AATF: variants seen among roughly 807,000 people sequenced by gnomAD.
AATF encodes the protein apoptosis antagonizing transcription factor, also known as protein AATF.
AATF carries 48 observed loss-of-function variants against 63.7 expected under a neutral mutation model. The ratio of observed to expected loss-of-function variants is 0.75; its 90% CI spans 0.60 to 0.96. The LOEUF (loss-of-function observed/expected upper bound fraction) is 0.96, where lower values mean the gene tolerates loss of function less well. AATF is among the 40% of genes least tolerant of loss of function. The probability of loss-of-function intolerance (pLI) is 0.00; values close to 1 mark genes in which losing one functional copy is unlikely to be tolerated. For synonymous variants in AATF, 258 were observed against 247.7 expected, an observed-to-expected ratio of 1.04 and a Z score of -0.39; for missense variants, 639 against 685.7, an observed-to-expected ratio of 0.93 and a Z score of 0.76.
At chr17:36,955,008 A>G (rs190416918) in intron 4 of AATF, among the ~76,000 whole-genome samples, 1 of 151,990 alleles carries the variant, frequency 6.6e-6, no homozygotes, top group Non-Finnish European at 1.5e-5. Flanking sequence ...CTATCTCTCT[A>G]TATATATATT....
At chr17:37,028,232 C>T (rs1235563447) in intron 10 of AATF, among the ~76,000 whole-genome samples, 1 of 151,708 alleles carries the variant, frequency 6.6e-6, no homozygotes, top group East Asian at 1.9e-4. Context: ...GACAACATAG[C>T]AAGACCCTCT....
intron 8 of AATF, among the ~76,000 whole-genome samples, chr17:37,002,683 A>T (rs920770484): frequency 2.7e-4 from 41 of 151,920 alleles, no homozygotes; most frequent in African/African-American, 9.2e-4. Context: ...AAAAAAAAAA[A>T]GCATCTAAAA....
At chr17:37,028,119 A>T (rs2142296982) in intron 10 of AATF, among the ~76,000 whole-genome samples, 1 of 152,258 alleles carries the variant, frequency 6.6e-6, no homozygotes, top group Non-Finnish European at 1.5e-5. Flanking sequence ...CACATCTAAG[A>T]GTTATGTATT....
At chr17:37,039,176 C>T (rs1039789351) in intron 11 of AATF, among the ~76,000 whole-genome samples, 2 of 152,164 alleles carry the variant, frequency 1.3e-5, no homozygotes, top group South Asian at 2.1e-4. Flanking sequence ...GCTTGCTCAG[C>T]ATTTGAGAAC....
intron 11 of AATF, among the ~76,000 whole-genome samples, chr17:37,042,013 AT>A (rs2071644431): frequency 6.6e-6 from 1 of 151,132 alleles, no homozygotes; most frequent in Admixed American, 6.6e-5. Flanking sequence ...TCCTTTGCCC[AT>A]TTTCTTTTTG....
At chr17:37,005,438 A>G (rs961829465) in intron 8 of AATF, among the ~76,000 whole-genome samples, 3 of 152,114 alleles carry the variant, frequency 2.0e-5, no homozygotes, top group African/African-American at 7.2e-5. Flanking sequence ...AATTATTGGC[A>G]TCTGAAGGCT....
chr17:37,050,927 G>A (rs544886667), intron 11 of AATF, among the ~76,000 whole-genome samples: 80 of 152,272 alleles, frequency 5.3e-4, no homozygotes, highest in African/African-American at 1.9e-3. Context: ...CAAATTATGT[G>A]TATCATTTTA....
chr17:37,031,529 G>A (rs1471732844), intron 10 of AATF, 85 bp from the exon 11 acceptor site: 13 of 1,103,850 alleles, frequency 1.2e-5, no homozygotes, highest in Non-Finnish European at 1.7e-5. Context: ...GATCAGTTCT[G>A]GAGTTTGTTA....
chr17:37,013,651 C>T (rs893167376), intron 8 of AATF, among the ~76,000 whole-genome samples: 48 of 152,188 alleles, frequency 3.2e-4, no homozygotes, highest in African/African-American at 1.0e-3. Context: ...AGGGATCTAC[C>T]TCCATGGCCC....
intron 4 of AATF, among the ~76,000 whole-genome samples, chr17:36,960,894 A>G (rs2070941906): frequency 6.6e-6 from 1 of 152,194 alleles, no homozygotes; most frequent in African/African-American, 2.4e-5. Context: ...TGTTCTAATT[A>G]TAAAAGTATG....
At chr17:36,976,481 TTGAAAG>T (rs2071080921) in intron 4 of AATF, among the ~76,000 whole-genome samples, 1 of 152,204 alleles carries the variant, frequency 6.6e-6, no homozygotes, top group Non-Finnish European at 1.5e-5. Context: ...TTTCCTCTTC[TTGAAAG>T]GATTAGGTGA....
At chr17:37,032,187 T>A (rs1482909683) in intron 11 of AATF, among the ~76,000 whole-genome samples, 4 of 152,236 alleles carry the variant, frequency 2.6e-5, no homozygotes, top group African/African-American at 9.6e-5. Flanking sequence ...ATAACCTTTT[T>A]AAAATAATAG....
chr17:36,972,170 A>G (rs1442663341), intron 4 of AATF, among the ~76,000 whole-genome samples: 1 of 152,216 alleles, frequency 6.6e-6, no homozygotes, highest in Admixed American at 6.5e-5. Flanking sequence ...AATGGGCCAC[A>G]TCAACCTATA....
chr17:37,002,389 T>C (rs2071306003), intron 8 of AATF, among the ~76,000 whole-genome samples: 1 of 151,864 alleles, frequency 6.6e-6, no homozygotes, highest in African/African-American at 2.4e-5. Flanking sequence ...AGCATCTGGC[T>C]GGGCATGGTG....
At chr17:36,997,324 ACT>A (rs1480151044) in intron 8 of AATF, among the ~76,000 whole-genome samples, 6 of 152,292 alleles carry the variant, frequency 3.9e-5, no homozygotes, top group African/African-American at 9.6e-5. Context: ...AAATCTTCAC[ACT>A]CTATACATCT....
At chr17:36,966,629 C>T (rs2070993552) in intron 4 of AATF, among the ~76,000 whole-genome samples, 2 of 151,978 alleles carry the variant, frequency 1.3e-5, no homozygotes, top group African/African-American at 2.4e-5. Flanking sequence ...CCTGAGTGTT[C>T]CTTTTCTGTA....
chr17:37,030,433 G>GT (rs2071543773), intron 10 of AATF, among the ~76,000 whole-genome samples: 1 of 152,060 alleles, frequency 6.6e-6, no homozygotes, highest in African/African-American at 2.4e-5. Context: ...CCCTAGTAGA[G>GT]TTTTTTGGGT....
chr17:37,055,563 G>C (rs929941196), intron 11 of AATF: 6 of 152,220 alleles, frequency 3.9e-5, no homozygotes, highest in Admixed American at 6.5e-5. Flanking sequence ...ACGGCAGGCT[G>C]GAATTTGAGT....
intron 11 of AATF, among the ~76,000 whole-genome samples, chr17:37,034,255 T>C (rs536695302): frequency 2.0e-5 from 3 of 152,330 alleles, no homozygotes; most frequent in East Asian, 3.9e-4. Flanking sequence ...TAACTATGGG[T>C]ACAGTAAATA....
Sources: gnomAD v4.1 joint callset for allele counts (sites outside exome capture counted in the v4.1 genomes callset) on GRCh38, gnomAD v4.1.1 for gene constraint, MANE v1.5 for transcripts, NCBI Gene and HGNC (gene_info 2026-07-23, HGNC 2026-07-21) for gene names.